EPHA6: variants seen among roughly 807,000 people sequenced by gnomAD.
EPHA6 encodes ephrin type-A receptor 6.
In EPHA6, 50 loss-of-function variants were observed where a neutral mutation model predicts 112.0. That is an observed-to-expected ratio of 0.45 (90% CI 0.36 to 0.56). EPHA6 has a LOEUF of 0.56. Among genes scored for constraint, EPHA6 ranks in the 20% least tolerant of loss-of-function variants. EPHA6 has a pLI of 0.00. For synonymous variants in EPHA6, 529 were observed against 490.7 expected, an observed-to-expected ratio of 1.08 and a Z score of -1.03; for missense variants, 1,280 against 1,417.4, an observed-to-expected ratio of 0.90 and a Z score of 1.56.
intron 13 of EPHA6, among the ~76,000 whole-genome samples, chr3:97,617,099 T>G (rs2093773026): frequency 6.6e-6 from 1 of 152,078 alleles, no homozygotes; most frequent in African/African-American, 2.4e-5. Flanking sequence ...AGAAACCTTA[T>G]AAGCCACAAG....
intron 1 of EPHA6, among the ~76,000 whole-genome samples, chr3:96,860,967 G>A: frequency 6.8e-6 from 1 of 148,124 alleles, no homozygotes; most frequent in South Asian, 2.1e-4. Flanking sequence ...AACTTTTGAG[G>A]TAACTCATTA....
chr3:97,540,153 G>GGTGATTTACT (rs1179758706), intron 11 of EPHA6, among the ~76,000 whole-genome samples: 1 of 152,102 alleles, frequency 6.6e-6, no homozygotes, highest in Non-Finnish European at 1.5e-5. Flanking sequence ...AAAAATAAAT[G>GGTGATTTACT]GTGATTTACT....
chr3:97,655,789 G>T (rs528956456), intron 14 of EPHA6, among the ~76,000 whole-genome samples: 18 of 151,118 alleles, frequency 1.2e-4, no homozygotes, highest in Non-Finnish European at 2.1e-4. Flanking sequence ...ATAGCATTAG[G>T]AGATATACCT....
chr3:97,484,595 C>T (rs59133949), intron 10 of EPHA6, among the ~76,000 whole-genome samples: 10,384 of 152,230 alleles, frequency 0.068, 1,102 homozygotes, highest in African/African-American at 0.23. Flanking sequence ...AATCACCCCA[C>T]AGGAATTTAT....
At chr3:97,196,750 C>T (rs1020110121) in intron 3 of EPHA6, among the ~76,000 whole-genome samples, 2 of 151,822 alleles carry the variant, frequency 1.3e-5, no homozygotes, top group South Asian at 2.1e-4. Context: ...AGTCCTGTCT[C>T]GGTGGTCTTG....
chr3:97,069,106 G>A (rs1043118771), intron 3 of EPHA6, among the ~76,000 whole-genome samples: 2 of 152,040 alleles, frequency 1.3e-5, no homozygotes, highest in African/African-American at 4.8e-5. Flanking sequence ...TGTAACTTGT[G>A]ACTACCCCAC....
chr3:97,200,731 TG>T (rs1184362149), intron 3 of EPHA6, among the ~76,000 whole-genome samples: 2 of 152,096 alleles, frequency 1.3e-5, no homozygotes, highest in African/African-American at 4.8e-5. Flanking sequence ...TAGATGGCTG[TG>T]TATTAGGAAT....
At chr3:97,331,768 A>T (rs1318580883) in intron 5 of EPHA6, among the ~76,000 whole-genome samples, 1 of 152,166 alleles carries the variant, frequency 6.6e-6, no homozygotes, top group Non-Finnish European at 1.5e-5. Flanking sequence ...TTACCAACCA[A>T]AAAAAGTCCA....
At chr3:97,070,082 C>T (rs574874270) in intron 3 of EPHA6, among the ~76,000 whole-genome samples, 4 of 152,190 alleles carry the variant, frequency 2.6e-5, no homozygotes, top group Admixed American at 6.6e-5. Flanking sequence ...GGAAAAGCTT[C>T]CTCGATGCTC....
At chr3:97,626,940 T>A (rs1281252558) in intron 13 of EPHA6, among the ~76,000 whole-genome samples, 1 of 151,864 alleles carries the variant, frequency 6.6e-6, no homozygotes, top group Non-Finnish European at 1.5e-5. Flanking sequence ...TGGGAGTCTG[T>A]GGCTGAAATA....
intron 5 of EPHA6, among the ~76,000 whole-genome samples, chr3:97,258,820 T>C (rs1003618532): frequency 6.6e-6 from 1 of 152,298 alleles, no homozygotes; most frequent in East Asian, 1.9e-4. Flanking sequence ...TTAGATAACA[T>C]GATGAGCAAG....
At chr3:97,410,447 C>T (rs377572583) in intron 6 of EPHA6, among the ~76,000 whole-genome samples, 22 of 152,152 alleles carry the variant, frequency 1.4e-4, no homozygotes, top group Non-Finnish European at 1.3e-4. Context: ...AGAATTTTAT[C>T]TTTACTTCCA....
intron 5 of EPHA6, among the ~76,000 whole-genome samples, chr3:97,369,413 G>T (rs988687923): frequency 3.3e-5 from 5 of 152,138 alleles, no homozygotes; most frequent in Non-Finnish European, 5.9e-5. Flanking sequence ...GATGTATTTT[G>T]TTAGTAGACC....
chr3:97,334,979 G>A (rs1469749293), intron 5 of EPHA6, among the ~76,000 whole-genome samples: 1 of 152,048 alleles, frequency 6.6e-6, no homozygotes, highest in Non-Finnish European at 1.5e-5. Context: ...CTGTCTTTGT[G>A]GAATGGTCTA....
chr3:96,972,020 C>A (rs1392016856), intron 2 of EPHA6, among the ~76,000 whole-genome samples: 1 of 152,024 alleles, frequency 6.6e-6, no homozygotes, highest in East Asian at 1.9e-4. Context: ...TTGTTTTAAT[C>A]TATCTTTAAA....
intron 7 of EPHA6, among the ~76,000 whole-genome samples, chr3:97,461,473 G>T (rs917485029): frequency 6.6e-6 from 1 of 152,066 alleles, no homozygotes; most frequent in African/African-American, 2.4e-5. Flanking sequence ...TGCATGTAAA[G>T]TACTTAACAA....
At chr3:97,542,303 T>A (rs1399350666) in intron 11 of EPHA6, among the ~76,000 whole-genome samples, 2 of 152,126 alleles carry the variant, frequency 1.3e-5, no homozygotes, top group Non-Finnish European at 2.9e-5. Context: ...GTCCATGTGT[T>A]CTCATTGTTC....
intron 13 of EPHA6, among the ~76,000 whole-genome samples, chr3:97,632,327 CAAGGGTG>C (rs1218833991): frequency 1.3e-5 from 2 of 151,966 alleles, no homozygotes; most frequent in Admixed American, 1.3e-4. Context: ...CCTGGGATTA[CAAGGGTG>C]AACAAGACAA....
chr3:96,855,676 T>C (rs564173214), intron 1 of EPHA6, among the ~76,000 whole-genome samples: 1 of 148,772 alleles, frequency 6.7e-6, no homozygotes, highest in South Asian at 2.1e-4. Flanking sequence ...AAATTTTCTT[T>C]GAAAATGAAA....
Sources: allele counts gnomAD v4.1 joint callset (sites outside exome capture counted in the v4.1 genomes callset), GRCh38; gene constraint gnomAD v4.1.1; transcripts MANE v1.5; gene names NCBI Gene and HGNC (gene_info 2026-07-23, HGNC 2026-07-21).